Variants in PPARGC1A observed in about 807,000 individuals in gnomAD.
PPARGC1A encodes peroxisome proliferator-activated receptor gamma coactivator 1-alpha.
PPARGC1A carries 25 observed loss-of-function variants against 88.7 expected under a neutral mutation model. That is an observed-to-expected ratio of 0.28 (90% CI 0.21 to 0.39). The LOEUF is 0.39. Among genes scored for constraint, PPARGC1A ranks in the 10% least tolerant of loss-of-function variants. The pLI, the probability that PPARGC1A is intolerant of heterozygous loss-of-function variation, is 1.00. For missense variants in PPARGC1A, 880 were observed against 968.7 expected, an observed-to-expected ratio of 0.91 and a Z score of 1.22; for synonymous variants, 363 against 355.6, an observed-to-expected ratio of 1.02 and a Z score of -0.24.
chr4:24,196,482 A>AC, the PPARGC1A span, among the ~76,000 whole-genome samples: 1 of 152,216 alleles, frequency 6.6e-6, no homozygotes, highest in Admixed American at 6.5e-5. Flanking sequence ...AATAACAATT[A>AC]CCCAAGATAA....
the PPARGC1A span, among the ~76,000 whole-genome samples, chr4:23,960,027 A>G: frequency 6.6e-6 from 1 of 152,158 alleles, no homozygotes; most frequent in African/African-American, 2.4e-5. Context: ...CTAATAAATT[A>G]TAGTTAGTTC....
the PPARGC1A span, among the ~76,000 whole-genome samples, chr4:24,339,220 A>G: frequency 0.029 from 1,101 of 38,188 alleles, 11 homozygotes; most frequent in African/African-American, 0.055. Flanking sequence ...GTGTATATAT[A>G]TATATATATA....
the PPARGC1A span, among the ~76,000 whole-genome samples, chr4:24,412,683 T>C: frequency 6.6e-6 from 1 of 152,166 alleles, no homozygotes; most frequent in African/African-American, 2.4e-5. Flanking sequence ...GGTTTCACTA[T>C]GTTGCCCAGG....
At chr4:24,052,088 G>A in the PPARGC1A span, among the ~76,000 whole-genome samples, 6 of 152,160 alleles carry the variant, frequency 3.9e-5, no homozygotes, top group South Asian at 2.1e-4. Flanking sequence ...AATATTGGAC[G>A]TATTTGGAGA....
chr4:23,931,632 T>C, the PPARGC1A span, among the ~76,000 whole-genome samples: 1 of 152,126 alleles, frequency 6.6e-6, no homozygotes, highest in Non-Finnish European at 1.5e-5. Context: ...TTTGAGAACA[T>C]TTATTGGCAG....
At chr4:24,305,158 CAT>C in the PPARGC1A span, among the ~76,000 whole-genome samples, 40 of 119,096 alleles carry the variant, frequency 3.4e-4, no homozygotes, top group Middle Eastern at 4.6e-3. Flanking sequence ...TACATACACA[CAT>C]ATATATGTGT....
chr4:24,373,101 C>T, the PPARGC1A span, among the ~76,000 whole-genome samples: 1 of 152,160 alleles, frequency 6.6e-6, no homozygotes, highest in African/African-American at 2.4e-5. Flanking sequence ...GGAGAAGCTA[C>T]AAGTGTGAAC....
chr4:23,971,937 T>C, the PPARGC1A span, among the ~76,000 whole-genome samples: 14 of 151,692 alleles, frequency 9.2e-5, no homozygotes, highest in Non-Finnish European at 8.8e-5. Context: ...TATATATACA[T>C]ATATTTTTTT....
rs533606428 is a variant in PPARGC1A at position 23,840,343 on chromosome 4, T to C, written c.235-8592A>G. ...TTCATCTGACTCTGGCAACCCCTCA[T>C]TCACCTATCTGAATCCTTCCCAATC... On this transcript the variant is annotated intron_variant, in intron 2 of 12. Coordinates refer to ENST00000264867, the MANE Select transcript of PPARGC1A (RefSeq NM_013261.5). 5.9e-5 allele frequency among the ~76,000 whole-genome samples: 9 copies of C among 152,176 alleles called. No homozygotes were observed. In the South Asian group the frequency reaches 1.9e-3, roughly 32 times the overall value.
At chr4:24,261,107 C>CAT in the PPARGC1A span, among the ~76,000 whole-genome samples, 3,797 of 152,314 alleles carry the variant, frequency 0.025, 52 homozygotes, top group Admixed American at 0.039. Flanking sequence ...CAGCACACCA[C>CAT]ATCACCCCAC....
the PPARGC1A span, among the ~76,000 whole-genome samples, chr4:24,102,560 T>C: frequency 1.3e-5 from 2 of 152,216 alleles, no homozygotes; most frequent in Admixed American, 6.5e-5. Flanking sequence ...TCTTTCCGAA[T>C]TGCATTTAAC....
At chr4:23,837,038 T>C (rs1469816658) in intron 2 of PPARGC1A, among the ~76,000 whole-genome samples, 2 of 152,130 alleles carry the variant, frequency 1.3e-5, no homozygotes, top group Admixed American at 1.3e-4. Flanking sequence ...TCCTGTAGGA[T>C]TGCAATTACA....
At chr4:24,437,592 T>TG in the PPARGC1A span, among the ~76,000 whole-genome samples, 2 of 114,438 alleles carry the variant, frequency 1.7e-5, no homozygotes, top group African/African-American at 6.8e-5. Flanking sequence ...AGGCACAGGT[T>TG]TTTTGTTGTT....
chr4:24,364,502 C>T, the PPARGC1A span, among the ~76,000 whole-genome samples: 1 of 152,124 alleles, frequency 6.6e-6, no homozygotes, highest in South Asian at 2.1e-4. Flanking sequence ...TTCTCCTCGC[C>T]TCTCATGACA....
chr4:23,889,488 G>C, intron 1 of PPARGC1A: 1 of 476,964 alleles, frequency 2.1e-6, no homozygotes, highest in Non-Finnish European at 2.7e-6. Flanking sequence ...GACTATATTT[G>C]AACACATCCA....
the PPARGC1A span, among the ~76,000 whole-genome samples, chr4:24,411,872 A>G: frequency 6.6e-6 from 1 of 152,220 alleles, no homozygotes; most frequent in Admixed American, 6.5e-5. Context: ...GCACTGAATA[A>G]TATTCCATTG....
chr4:24,258,775 G>A, the PPARGC1A span, among the ~76,000 whole-genome samples: 2 of 152,126 alleles, frequency 1.3e-5, no homozygotes, highest in Non-Finnish European at 2.9e-5. Flanking sequence ...AAGTAATTTC[G>A]TTAACAACAT....
At chr4:23,806,787 G>T (rs1213455967) in intron 10 of PPARGC1A, among the ~76,000 whole-genome samples, 1 of 152,168 alleles carries the variant, frequency 6.6e-6, no homozygotes, top group East Asian at 1.9e-4. Flanking sequence ...GAGCTTCCCA[G>T]TTACTGGAGG....
At chr4:24,382,971 AC>A in the PPARGC1A span, among the ~76,000 whole-genome samples, 2 of 152,170 alleles carry the variant, frequency 1.3e-5, no homozygotes, top group Non-Finnish European at 2.9e-5. Flanking sequence ...GTTGATAGAC[AC>A]CTCATACAGG....
Sources: gnomAD v4.1 joint callset for allele counts (sites outside exome capture counted in the v4.1 genomes callset) on GRCh38, gnomAD v4.1.1 for gene constraint, MANE v1.5 for transcripts, NCBI Gene and HGNC (gene_info 2026-07-23, HGNC 2026-07-21) for gene names.